MACF1: variants seen among roughly 807,000 people sequenced by gnomAD.
MACF1 encodes the protein microtubule actin crosslinking factor 1, also known as microtubule-actin cross-linking factor 1.
MACF1 carries 193 observed loss-of-function variants against 854.8 expected under a neutral mutation model. The ratio of observed to expected loss-of-function variants is 0.23; its 90% CI spans 0.20 to 0.25. The LOEUF (loss-of-function observed/expected upper bound fraction) is 0.25, where lower values mean the gene tolerates loss of function less well. Ranked by LOEUF, MACF1 falls within the 10% of genes least tolerant of loss-of-function variation. The pLI is 1.00. For synonymous variants in MACF1, 3,185 were observed against 3,226.7 expected (o/e 0.99, Z 0.44); for missense variants, 7,722 against 8,929.1 (o/e 0.86, Z 5.45).
At chr1:39,347,485 C>A (rs542372070) in intron 41 of MACF1, among the ~76,000 whole-genome samples, 2 of 152,158 alleles carry the variant, frequency 1.3e-5, no homozygotes, top group Non-Finnish European at 2.9e-5. Context: ...ACTTTTCCTT[C>A]GCTGTATCTC....
In MACF1 at chr1:39,461,888, C is replaced by T. The variant is rs758924433; in HGVS notation, c.21529C>T (p.Pro7177Ser). Residue 7177 changes from proline (P) to serine (S), a missense_variant, in exon 93 of 101, where the codon CCC (proline) becomes TCC (serine). Transcript: ENST00000564288. ...FIDGILASKF[P>S]TTKLEMTAVA... ...ATATGATTCCTTTTCTCCAGAGTTCCCCACCACCAAGTTAGAGATGACTGC... is the reference window on the plus strand; with the variant it reads ...ATATGATTCCTTTTCTCCAGAGTTCTCCACCACCAAGTTAGAGATGACTGC... The T allele has an allele frequency of 5.6e-6, 9 of 1,613,062 alleles. No homozygotes were observed. In the Admixed American group the frequency reaches 6.7e-5, roughly 12 times the overall value.
chr1:39,367,884 C>T (rs1237084524), intron 49 of MACF1, among the ~76,000 whole-genome samples: 1 of 151,344 alleles, frequency 6.6e-6, no homozygotes, highest in African/African-American at 2.4e-5. Context: ...GCAGGAGAAT[C>T]GCTTGAACCC....
chr1:39,138,592 A>C (rs532755736), intron 2 of MACF1, among the ~76,000 whole-genome samples: 1 of 151,804 alleles, frequency 6.6e-6, no homozygotes, highest in Admixed American at 6.6e-5. Flanking sequence ...CTCAAAAAAA[A>C]AGAAAAATGG....
chr1:39,105,622 C>T lies in MACF1; in HGVS notation c.220+21184C>T. ...CTCGGCGAGAAGGCGGTGCGGGCGGCCATGGCCGGCTACGTGCCGGGTCAG... is the reference window on the plus strand; with the variant it reads ...CTCGGCGAGAAGGCGGTGCGGGCGGTCATGGCCGGCTACGTGCCGGGTCAG... On this transcript the variant is annotated intron_variant, in intron 2 of 93. Coordinates refer to the MACF1 transcript ENST00000361689. The surrounding 1 kb of genome is among the most constrained non-coding windows in gnomAD (Gnocchi z 5.9). The T allele has an allele frequency of 8.1e-7, 1 of 1,227,128 alleles. No homozygotes were observed. Among genetic ancestry groups the T allele is most frequent in the Non-Finnish European group, 1.0e-6 (1 of 957,900 alleles). The allele number at this position is 1,227,128 out of a possible 1,614,324, so 76.0% of individuals were successfully genotyped here.
In MACF1 at chr1:39,387,847, C is replaced by G. The variant is rs1641863660; in HGVS notation, c.15005C>G (p.Thr5002Arg). 2 of 1,614,042 alleles carry G rather than the reference C, an allele frequency of 1.2e-6. No individual in the cohort carries two copies. Among genetic ancestry groups the G allele is most frequent in the Non-Finnish European group, 1.7e-6 (2 of 1,180,004 alleles). Reference protein sequence around the residue: ...DAVTEELQAKTGSLEEMTQRL... With the variant: ...DAVTEELQAKRGSLEEMTQRL... ...GTTACAGAAGAGCTGCAGGCCAAAA[C>G]AGGGTCACTCGAAGAAATGACTCAG... Residue 5002 changes from threonine to arginine, a missense_variant, in exon 58 of 101, where the codon ACA (threonine) becomes AGA (arginine). Physicochemically the swap from Thr to Arg is moderately conservative, Grantham distance 71 (BLOSUM62 -1). Coordinates refer to ENST00000564288, the MANE Select transcript of MACF1 (RefSeq NM_001394062.1).
intron 2 of MACF1, among the ~76,000 whole-genome samples, chr1:39,131,310 A>G (rs1393605632): frequency 6.6e-6 from 1 of 150,982 alleles, no homozygotes; most frequent in Non-Finnish European, 1.5e-5. Context: ...GAATACAGGC[A>G]CATGCCATCA....
In MACF1 at chr1:39,094,227, T is replaced by C. The variant is rs146705497; in HGVS notation, c.220+9789T>C. On this transcript the variant is annotated intron_variant, in intron 2 of 93. Coordinates refer to the MACF1 transcript ENST00000361689. ...TGAGAGGCCAAGGTGGGAGGCTCGC[T>C]TGAAGCCAGGAGTTCGAGACCAGCC... Among the ~76,000 whole-genome samples, 306 of 151,974 alleles carry C rather than the reference T, an allele frequency of 2.0e-3. 1 individual carries two copies. The highest frequency in any genetic ancestry group is 3.9e-3 in the Admixed American group (59 of 15,254).
At chr1:39,104,276 C>T (rs541541867) in intron 2 of MACF1, among the ~76,000 whole-genome samples, 47 of 152,294 alleles carry the variant, frequency 3.1e-4, no homozygotes, top group African/African-American at 1.1e-3. Context: ...GGCTCCAGCG[C>T]ACTCCATGAA....
chr1:39,430,991 A>T lies in MACF1; in HGVS notation c.17337+83A>T, dbSNP rs951489343. 4 of 1,223,488 alleles carry T rather than the reference A, an allele frequency of 3.3e-6. No individual in the cohort carries two copies. In the African/African-American group the frequency reaches 4.5e-5, roughly 14 times the overall value. 75.8% of individuals were successfully genotyped at this position (1,223,488 alleles called of 1,614,324 possible). A position where few individuals can be genotyped will look rare whatever the true frequency, so the allele number is the denominator to read the frequency against. On this transcript the variant is annotated intron_variant, in intron 66 of 100. Coordinates refer to ENST00000564288, the MANE Select transcript of MACF1 (RefSeq NM_001394062.1). ...AGTACTATGACCCACATAAATACAG[A>T]CTCAGAAATAAGAATGGGCTCAAGC... is the stretch of plus-strand genomic sequence containing the variant.
At chr1:39,282,186 T>C (rs1645561834) in intron 6 of MACF1, 22 bp from the exon 7 acceptor site, 1 of 1,611,410 alleles carries the variant, frequency 6.2e-7, no homozygotes, top group Non-Finnish European at 8.5e-7. Context: ...AATGAATTAT[T>C]CTGTGTCCCA....
chr1:39,126,974 G>GC (rs1436554545), intron 2 of MACF1, among the ~76,000 whole-genome samples: 1 of 152,220 alleles, frequency 6.6e-6, no homozygotes, highest in Non-Finnish European at 1.5e-5. Context: ...GCTCAAGCCT[G>GC]TAATCCCAGC....
Position 39,373,528 on chromosome 1 carries a change from T to A in MACF1, c.13213+932T>A, listed in dbSNP as rs1230992306. The A allele has an allele frequency of 6.1e-5, 9 of 148,156 alleles. No homozygotes were observed. In the East Asian group the frequency reaches 1.8e-3, roughly 30 times the overall value. The allele number at this position is 148,156 out of a possible 1,614,324, so 9.2% of individuals were successfully genotyped here. A position where few individuals can be genotyped will look rare whatever the true frequency, so the allele number is the denominator to read the frequency against. ...TTGGGAAAGCCTGGGTAGGTATGAT[T>A]GTGATATCCAGGAAGAAGCAAGGTA... is the stretch of plus-strand genomic sequence containing the variant. On this transcript the variant is annotated intron_variant, in intron 52 of 100. Coordinates refer to ENST00000564288, the MANE Select transcript of MACF1 (RefSeq NM_001394062.1).
chr1:39,267,911 C>A (rs1329831727), intron 6 of MACF1, among the ~76,000 whole-genome samples: 1 of 152,154 alleles, frequency 6.6e-6, no homozygotes, highest in Admixed American at 6.5e-5. Flanking sequence ...AAGGCTAGAT[C>A]TTTAAAGTCT....
At chr1:39,360,763 A>G in intron 47 of MACF1, 30 bp from the exon 48 acceptor site, 5 of 1,353,294 alleles carry the variant, frequency 3.7e-6, no homozygotes, top group Non-Finnish European at 5.2e-6. Flanking sequence ...AATTGTCTCC[A>G]CTCTTTCTTT....
At chr1:39,286,930 T>C (rs1453367823) in intron 14 of MACF1, among the ~76,000 whole-genome samples, 1 of 152,174 alleles carries the variant, frequency 6.6e-6, no homozygotes, top group Admixed American at 6.6e-5. Flanking sequence ...TCTAAACACT[T>C]TTCCTTCTAT....
intron 6 of MACF1, among the ~76,000 whole-genome samples, chr1:39,274,858 G>A (rs1428299843): frequency 6.6e-6 from 1 of 151,992 alleles, no homozygotes; most frequent in Non-Finnish European, 1.5e-5. Context: ...GTTGTTGTGA[G>A]AATAATATGA....
At position 39,357,666 on chromosome 1, in the gene MACF1, G is replaced by C. The variant is rs1220367281; in HGVS notation, c.11716G>C (p.Gly3906Arg). 1 of 1,614,026 alleles carries C rather than the reference G, an allele frequency of 6.2e-7. No homozygotes were observed. Among genetic ancestry groups the C allele is most frequent in the Non-Finnish European group, 8.5e-7 (1 of 1,180,020 alleles). ...SEKELENMHK[G>R]GSSPETLPSL... is the part of the protein sequence containing the mutation. ...GAAAGAGCTGGAGAACATGCATAAGGGAGGCAGCAGCCCCGAGACCCTTCC... is the reference window on the plus strand; with the variant it reads ...GAAAGAGCTGGAGAACATGCATAAGCGAGGCAGCAGCCCCGAGACCCTTCC... Residue 3906 changes from glycine to arginine, a missense_variant, in exon 45 of 101, where the codon GGA (glycine) becomes CGA (arginine). Gly to Arg is a moderately radical substitution (Grantham distance 125, BLOSUM62 -2). This residue lies in a region of MACF1 where 2,807 missense variants were observed against 3,235.8 expected (regional missense o/e 0.87). Coordinates refer to ENST00000564288, the MANE Select transcript of MACF1 (RefSeq NM_001394062.1).
chr1:39,203,473 G>A (rs1220033060), upstream of MACF1, among the ~76,000 whole-genome samples: 3 of 152,240 alleles, frequency 2.0e-5, no homozygotes, highest in African/African-American at 7.2e-5. Context: ...CTGAAGTGCA[G>A]GGATTACAAG....
intron 58 of MACF1, among the ~76,000 whole-genome samples, chr1:39,399,672 C>T (rs964365339): frequency 5.3e-5 from 8 of 152,124 alleles, no homozygotes; most frequent in Admixed American, 6.6e-5. Flanking sequence ...CCACCATGCC[C>T]GGCCTTATAA....
Sources: allele counts gnomAD v4.1 joint callset (sites outside exome capture counted in the v4.1 genomes callset), GRCh38; gene constraint gnomAD v4.1.1; regional missense constraint gnomAD v4.1.1; non-coding constraint Gnocchi (gnomAD v3.1); transcripts MANE v1.5; gene names NCBI Gene and HGNC (gene_info 2026-07-23, HGNC 2026-07-21).